POSTN: variants seen among roughly 807,000 people sequenced by gnomAD.
POSTN encodes the protein osteoblast specific factor 2 (fasciclin I-like).
A neutral mutation model predicts 104.5 loss-of-function variants in POSTN; 71 were observed. The observed-to-expected ratio is 0.68, with a 90% CI of 0.56 to 0.83. The LOEUF is 0.83. Among genes scored for constraint, POSTN ranks in the 40% least tolerant of loss-of-function variants. The pLI is 0.00. For missense variants in POSTN, 949 were observed against 1,006.8 expected, an observed-to-expected ratio of 0.94 and a Z score of 0.78; for synonymous variants, 355 against 340.7, an observed-to-expected ratio of 1.04 and a Z score of -0.46.
Position 37,574,578 on chromosome 13 carries a change from T to A in POSTN, c.2083A>T (p.Thr695Ser), listed in dbSNP as rs1950352774. Residue 695 changes from threonine to serine, a missense_variant, in exon 17 of 23, where the codon ACT (threonine) becomes TCT (serine). By Grantham distance (58) the Thr-to-Ser change is moderately conservative. Transcript: ENST00000379747. ...GTATAACATTGATTTTTACCTTCAG[T>A]TTTGATAATAGGCTGAAGACTGCCT... is the stretch of plus-strand genomic sequence containing the variant. ...IEGSLQPIIKTEGPTLTKVKI... is the reference protein window; with the variant it reads ...IEGSLQPIIKSEGPTLTKVKI... 2 of 1,591,184 alleles carry A rather than the reference T, an allele frequency of 1.3e-6. No individual in the cohort carries two copies. The highest frequency in any genetic ancestry group is 2.7e-5 in the African/African-American group (2 of 73,548).
chr13:37,572,815 A>C (rs937022448), intron 17 of POSTN, among the ~76,000 whole-genome samples: 4 of 151,630 alleles, frequency 2.6e-5, no homozygotes, highest in African/African-American at 7.2e-5. Flanking sequence ...GTCATCAATA[A>C]ATCTGTAATT....
At chr13:37,588,047 G>A (rs558839930) in intron 4 of POSTN, 61 bp from the exon 5 acceptor site, 8 of 1,328,124 alleles carry the variant, frequency 6.0e-6, no homozygotes, top group East Asian at 4.7e-5. Flanking sequence ...AAAGTCTTAC[G>A]ATCACCCTAT....
chr13:37,583,443 G>GTT (rs5802885), intron 9 of POSTN, among the ~76,000 whole-genome samples: 3,931 of 127,212 alleles, frequency 0.031, 133 homozygotes, highest in African/African-American at 0.042. Flanking sequence ...TTTAAGTTTC[G>GTT]TTTTTTTTTT....
At chr13:37,576,986 T>C (rs1950428292) in intron 16 of POSTN, among the ~76,000 whole-genome samples, 1 of 152,096 alleles carries the variant, frequency 6.6e-6, no homozygotes, top group South Asian at 2.1e-4. Flanking sequence ...TGAAGTAATG[T>C]TTTAGCTACT....
chr13:37,585,491 G>A (rs1950717926), intron 7 of POSTN, among the ~76,000 whole-genome samples: 1 of 152,162 alleles, frequency 6.6e-6, no homozygotes, highest in Non-Finnish European at 1.5e-5. Flanking sequence ...GGTCGATAGA[G>A]GCTGAGGATA....
At chr13:37,589,249 T>C (rs1793291427) in intron 4 of POSTN, among the ~76,000 whole-genome samples, 1 of 152,220 alleles carries the variant, frequency 6.6e-6, no homozygotes, top group Non-Finnish European at 1.5e-5. Context: ...ACTGTTTGTA[T>C]GCACTAAAGT....
intron 4 of POSTN, among the ~76,000 whole-genome samples, chr13:37,590,039 C>T (rs1363644851): frequency 6.6e-6 from 1 of 152,028 alleles, no homozygotes; most frequent in Non-Finnish European, 1.5e-5. Flanking sequence ...CTTAACTTAC[C>T]TTTCTGTTAG....
intron 22 of POSTN, 107 bp downstream of exon 22, chr13:37,564,412 C>A (rs1350456030): frequency 1.1e-5 from 7 of 660,914 alleles, no homozygotes; most frequent in Non-Finnish European, 1.8e-5. Flanking sequence ...TCTCTCTGAT[C>A]GATAACAAGT....
chr13:37,573,694 C>T (rs936884785), intron 17 of POSTN, among the ~76,000 whole-genome samples: 1 of 151,496 alleles, frequency 6.6e-6, no homozygotes, highest in Non-Finnish European at 1.5e-5. Flanking sequence ...CTGTTTCTAG[C>T]TTTCTTATAG....
At chr13:37,571,552 A>T (rs995434181) in intron 17 of POSTN, 94 bp from the exon 18 acceptor site, 9 of 891,824 alleles carry the variant, frequency 1.0e-5, no homozygotes, top group Admixed American at 5.0e-5. Context: ...GGTGTGACTC[A>T]ACTCAAATGT....
At chr13:37,594,350 T>A (rs765972017) in intron 2 of POSTN, among the ~76,000 whole-genome samples, 3 of 152,136 alleles carry the variant, frequency 2.0e-5, no homozygotes, top group Non-Finnish European at 4.4e-5. Context: ...AGAGAATTAA[T>A]GCAGTAGATG....
Position 37,571,398 on chromosome 13 carries a change from C to T in POSTN, c.2150G>A (p.Gly717Asp). 6.2e-7 allele frequency: 1 copy of T among 1,609,566 alleles called. No homozygotes were observed. The highest frequency in any genetic ancestry group is 8.5e-7 in the Non-Finnish European group (1 of 1,176,524). Residue 717 changes from glycine (G) to aspartate (D), a missense_variant, in exon 18 of 23, where the codon GGT becomes GAT. Coordinates refer to ENST00000379747, the MANE Select transcript of POSTN (RefSeq NM_006475.3). ...GEPEFRLIKE[G>D]ETITEVIHGE... is the part of the protein sequence containing the mutation. Reference sequence around the variant, plus strand: ...ATGGATCACTTCAGTTATTGTTTCACCTTCTTTAATCAGTCTGAATTCAGG... The same window carrying T: ...ATGGATCACTTCAGTTATTGTTTCATCTTCTTTAATCAGTCTGAATTCAGG...
chr13:37,579,735 A>G, intron 12 of POSTN, 126 bp downstream of exon 12: 2 of 1,092,720 alleles, frequency 1.8e-6, no homozygotes, highest in Non-Finnish European at 2.6e-6. Context: ...AATAAAAGGA[A>G]ACTAAAGCTA....
intron 22 of POSTN, among the ~76,000 whole-genome samples, chr13:37,564,212 ATATATATATATATATATG>A (rs1950020732): frequency 8.1e-6 from 1 of 122,982 alleles, no homozygotes; most frequent in Non-Finnish European, 1.7e-5. Context: ...ATATATATAT[ATATATATATATATATATG>A]TATGGAGAAT....
intron 22 of POSTN, among the ~76,000 whole-genome samples, chr13:37,564,314 T>C (rs1380207027): frequency 1.3e-5 from 2 of 149,816 alleles, no homozygotes; most frequent in Admixed American, 6.7e-5. Flanking sequence ...TCCCTTAATA[T>C]TTGTTATTAG....
Position 37,563,343 on chromosome 13 carries a change from C to A in POSTN, c.2501G>T (p.Arg834Leu). Reference protein sequence around the residue: ...QGSRRRLREGRSQ With the variant: ...QGSRRRLREGLSQ Reference sequence around the variant, plus strand: ...CTGGTTTTTGGATTTTCACTGAGAACGACCTTCCCTTAATCGTCTTCTAGA... The same window carrying A: ...CTGGTTTTTGGATTTTCACTGAGAAAGACCTTCCCTTAATCGTCTTCTAGA... The change falls in exon 23 of 23, where the codon CGT (arginine) becomes CTT (leucine). Residue 834 changes from arginine (R) to leucine (L), a missense_variant. Transcript: ENST00000379747. The A allele has an allele frequency of 1.3e-6, 2 of 1,586,602 alleles. No homozygotes were observed. Among genetic ancestry groups the A allele is most frequent in the Non-Finnish European group, 1.7e-6 (2 of 1,158,930 alleles).
At chr13:37,564,198 A>AT (rs1460535405) in intron 22 of POSTN, among the ~76,000 whole-genome samples, 3,186 of 38,000 alleles carry the variant, frequency 0.084, 287 homozygotes, top group African/African-American at 0.24. Context: ...ATATATATAT[A>AT]TATATATATA....
Position 37,578,862 on chromosome 13 carries a change from G to A in POSTN, c.1944C>T (p.Ile648=), listed in dbSNP as rs758416377. Residue 648 remains isoleucine, a synonymous_variant, in exon 15 of 23, where the codon ATC becomes ATT. Coordinates refer to ENST00000379747, the MANE Select transcript of POSTN (RefSeq NM_006475.3). Reference sequence around the variant, plus strand: ...TTAGTACCTTAATTTGGATGTATTTGATTAATTTATTAAGTATTTCCAGCA... The same window carrying A: ...TTAGTACCTTAATTTGGATGTATTTAATTAATTTATTAAGTATTTCCAGCA... The part of the protein sequence containing the change: ...DQLLEILNKL[I]KYIQIKFVRG... 89 of 1,493,018 alleles carry A rather than the reference G, an allele frequency of 6.0e-5. 1 individual carries two copies. Among genetic ancestry groups the A allele is most frequent in the Middle Eastern group, 3.6e-4 (2 of 5,568 alleles). The allele number at this position is 1,493,018 out of a possible 1,614,324, so 92.5% of individuals were successfully genotyped here. A position where few individuals can be genotyped will look rare whatever the true frequency, so the allele number is the denominator to read the frequency against.
intron 9 of POSTN, 21 bp from the exon 10 acceptor site, chr13:37,582,535 A>G (rs1412192283): frequency 6.4e-7 from 1 of 1,572,592 alleles, no homozygotes; most frequent in African/African-American, 1.4e-5. Flanking sequence ...ATTCATTAAG[A>G]AAGAGCATTA....
Sources: allele counts gnomAD v4.1 joint callset (sites outside exome capture counted in the v4.1 genomes callset), GRCh38; gene constraint gnomAD v4.1.1; transcripts MANE v1.5; gene names NCBI Gene and HGNC (gene_info 2026-07-23, HGNC 2026-07-21).